PTPRK: variants seen among roughly 807,000 people sequenced by gnomAD.
PTPRK encodes the protein receptor-type tyrosine-protein phosphatase kappa.
PTPRK carries 75 observed loss-of-function variants against 178.0 expected under a neutral mutation model. The ratio of observed to expected loss-of-function variants is 0.42; its 90% CI spans 0.35 to 0.51. The LOEUF is 0.51. Among genes scored for constraint, PTPRK ranks in the 20% least tolerant of loss-of-function variants. PTPRK has a pLI of 0.02. For synonymous variants in PTPRK, 637 were observed against 620.6 expected (o/e 1.03, Z -0.39); for missense variants, 1,441 against 1,797.8 (o/e 0.80, Z 3.59).
At chr6:128,236,742 G>A (rs916271752) in intron 5 of PTPRK, among the ~76,000 whole-genome samples, 1 of 151,812 alleles carries the variant, frequency 6.6e-6, no homozygotes, top group African/African-American at 2.4e-5. Flanking sequence ...TTAGTCTACT[G>A]ACACTCAGGC....
intron 15 of PTPRK, chr6:128,001,112 T>C: frequency 2.6e-6 from 3 of 1,156,650 alleles, no homozygotes; most frequent in Admixed American, 2.4e-5. Context: ...TACTAATCAT[T>C]ATCCTTATTA....
Position 128,500,227 on chromosome 6 carries a change from C to T in PTPRK, c.100+20032G>A, listed in dbSNP as rs186550836. On this transcript the variant is annotated intron_variant, in intron 1 of 29. Transcript: ENST00000368226. ...GTGGCTAAATATAGTGAGACATGAA[C>T]TAAAAATCTTTATCAGGCCCTGCTG... is the stretch of plus-strand genomic sequence containing the variant. Among the ~76,000 whole-genome samples the T allele has an allele frequency of 3.3e-3, 497 of 152,224 alleles. 1 individual carries two copies. Among genetic ancestry groups the T allele is most frequent in the Non-Finnish European group, 3.7e-3 (253 of 68,004 alleles).
intron 6 of PTPRK, 134 bp from the exon 7 acceptor site, chr6:128,184,859 A>G: frequency 1.1e-6 from 1 of 919,708 alleles, no homozygotes; most frequent in Non-Finnish European, 1.6e-6. Context: ...AGAAAACTAG[A>G]AGACGCATGA....
At chr6:128,202,167 G>C (rs1450918200) in intron 6 of PTPRK, among the ~76,000 whole-genome samples, 1 of 152,134 alleles carries the variant, frequency 6.6e-6, no homozygotes, top group Non-Finnish European at 1.5e-5. Context: ...GACTGACTAG[G>C]CAAACAGCTC....
At chr6:128,148,614 G>C (rs934879462) in intron 7 of PTPRK, among the ~76,000 whole-genome samples, 17 of 152,016 alleles carry the variant, frequency 1.1e-4, no homozygotes, top group Non-Finnish European at 2.4e-4. Flanking sequence ...CTTTCCTGAA[G>C]AGACTTGATA....
At chr6:128,340,733 A>ATT in intron 2 of PTPRK, 1 of 452,904 alleles carries the variant, frequency 2.2e-6, no homozygotes, top group Non-Finnish European at 4.2e-6. Context: ...ATGCAAATAG[A>ATT]TTTAAGAGTG....
At chr6:128,212,774 C>T (rs1020631454) in intron 6 of PTPRK, among the ~76,000 whole-genome samples, 1 of 151,942 alleles carries the variant, frequency 6.6e-6, no homozygotes, top group Non-Finnish European at 1.5e-5. Flanking sequence ...GGAAAATAAA[C>T]TGAGAAACCT....
chr6:128,103,284 C>G (rs2114279428), intron 7 of PTPRK, among the ~76,000 whole-genome samples: 1 of 152,224 alleles, frequency 6.6e-6, no homozygotes, highest in South Asian at 2.1e-4. Context: ...GAGCCACTAC[C>G]ACTCAATAAA....
intron 3 of PTPRK, among the ~76,000 whole-genome samples, chr6:128,275,255 C>T (rs778593245): frequency 9.2e-5 from 14 of 152,056 alleles, no homozygotes; most frequent in Admixed American, 3.9e-4. Context: ...GATTCTGACT[C>T]AAGCTCTTAT....
chr6:128,256,512 C>T (rs2128291533), intron 3 of PTPRK, among the ~76,000 whole-genome samples: 2 of 150,220 alleles, frequency 1.3e-5, no homozygotes, highest in Middle Eastern at 3.5e-3. Context: ...GCGATCTTGG[C>T]TCACTGCAAC....
chr6:128,096,076 A>G (rs1787863561), intron 7 of PTPRK, among the ~76,000 whole-genome samples: 1 of 152,208 alleles, frequency 6.6e-6, no homozygotes, highest in African/African-American at 2.4e-5. Flanking sequence ...GATGAAATAT[A>G]AAGAAATGTC....
chr6:128,194,102 A>ATTATTATTT lies in PTPRK; in HGVS notation c.869-9378_869-9377insAAATAATAA, dbSNP rs202171859. 2.6e-3 allele frequency among the ~76,000 whole-genome samples: 384 copies of ATTATTATTT among 145,590 alleles called. 6 individuals carry two copies. Among genetic ancestry groups the ATTATTATTT allele is most frequent in the East Asian group, 0.023 (115 of 4,984 alleles). ...TATTATTATTATTATTATTATTATT[A>ATTATTATTT]GGAAACGGAGTCTTGCTCTGTTGCC... On this transcript the variant is annotated intron_variant, in intron 6 of 29. Transcript: ENST00000368226.
At chr6:128,143,748 C>T (rs955871474) in intron 7 of PTPRK, among the ~76,000 whole-genome samples, 1 of 152,152 alleles carries the variant, frequency 6.6e-6, no homozygotes, top group African/African-American at 2.4e-5. Flanking sequence ...GTGAATCATT[C>T]TAATCTCATC....
intron 1 of PTPRK, among the ~76,000 whole-genome samples, chr6:128,418,589 A>T (rs1228055868): frequency 6.6e-6 from 1 of 152,036 alleles, no homozygotes; most frequent in African/African-American, 2.4e-5. Context: ...CCAGCCCCCC[A>T]ATCCCTCACC....
intron 2 of PTPRK, among the ~76,000 whole-genome samples, chr6:128,396,579 G>A (rs1204738285): frequency 6.6e-6 from 1 of 152,062 alleles, no homozygotes; most frequent in Non-Finnish European, 1.5e-5. Flanking sequence ...GAAATGGTAT[G>A]TAAATATTGA....
intron 3 of PTPRK, among the ~76,000 whole-genome samples, chr6:128,256,214 G>C (rs1387299023): frequency 6.6e-6 from 1 of 152,160 alleles, no homozygotes; most frequent in African/African-American, 2.4e-5. Flanking sequence ...CGCTATGAGA[G>C]TTCAGGGGAG....
At chr6:128,244,062 C>G (rs532269378) in intron 3 of PTPRK, among the ~76,000 whole-genome samples, 1 of 152,242 alleles carries the variant, frequency 6.6e-6, no homozygotes, top group South Asian at 2.1e-4. Context: ...TAGGACAACT[C>G]AATGATTTCT....
chr6:128,000,279 T>C (rs755071749), intron 15 of PTPRK: 1 of 1,285,038 alleles, frequency 7.8e-7, no homozygotes, highest in Non-Finnish European at 1.0e-6. Context: ...ACTCTACAAA[T>C]AGGATATAGC....
chr6:128,031,038 T>C (rs1196911435), intron 13 of PTPRK, among the ~76,000 whole-genome samples: 3 of 152,198 alleles, frequency 2.0e-5, no homozygotes, highest in African/African-American at 7.2e-5. Flanking sequence ...TACTGGACAC[T>C]ATCACATCTG....
Sources: allele counts gnomAD v4.1 joint callset (sites outside exome capture counted in the v4.1 genomes callset), GRCh38; gene constraint gnomAD v4.1.1; transcripts MANE v1.5; gene names NCBI Gene and HGNC (gene_info 2026-07-23, HGNC 2026-07-21).